The following ATP8B4 variants were observed in gnomAD, a reference collection of about 807,000 sequenced individuals.
ATP8B4 encodes the protein ATPase phospholipid transporting 8B4 (putative), also known as probable phospholipid-transporting ATPase IM.
Under a neutral mutation model 145.6 loss-of-function variants are expected in ATP8B4, and 133 were observed. The observed-to-expected ratio is 0.91, with a 90% CI of 0.79 to 1.05. The LOEUF is 1.05. ATP8B4 is among the 50% of genes least tolerant of loss of function. The probability of loss-of-function intolerance (pLI) is 0.00; values close to 1 mark genes in which losing one functional copy is unlikely to be tolerated. For missense variants in ATP8B4, 1,458 were observed against 1,425.2 expected, an observed-to-expected ratio of 1.02 and a Z score of -0.37; for synonymous variants, 507 against 492.9, an observed-to-expected ratio of 1.03 and a Z score of -0.38.
intron 2 of ATP8B4, among the ~76,000 whole-genome samples, chr15:50,093,087 G>C (rs2055716836): frequency 1.3e-5 from 2 of 151,708 alleles, no homozygotes; most frequent in South Asian, 2.1e-4. Flanking sequence ...TATCAATATA[G>C]AATTCTCCAC....
chr15:49,954,714 A>G (rs1599401425), intron 14 of ATP8B4, among the ~76,000 whole-genome samples: 1 of 152,182 alleles, frequency 6.6e-6, no homozygotes, highest in African/African-American at 2.4e-5. Context: ...GGATACTTAC[A>G]CGCTCTTGGT....
intron 1 of ATP8B4, among the ~76,000 whole-genome samples, chr15:50,157,178 A>G (rs2044432107): frequency 6.6e-6 from 1 of 152,240 alleles, no homozygotes; most frequent in Admixed American, 6.5e-5. Context: ...AACCAAAGGG[A>G]TAAAGAATTT....
At chr15:50,140,049 A>T (rs1468850524) in intron 1 of ATP8B4, among the ~76,000 whole-genome samples, 1 of 152,182 alleles carries the variant, frequency 6.6e-6, no homozygotes, top group Non-Finnish European at 1.5e-5. Context: ...AGTGATTAAA[A>T]AACTACATAT....
intron 20 of ATP8B4, among the ~76,000 whole-genome samples, chr15:49,914,446 A>G (rs1163478074): frequency 6.6e-6 from 1 of 152,150 alleles, no homozygotes; most frequent in Admixed American, 6.5e-5. Context: ...TAAGACCTCA[A>G]AAGCACAGGC....
chr15:49,992,143 T>C lies in ATP8B4; in HGVS notation c.589+4534A>G, dbSNP rs527284141. Among the ~76,000 whole-genome samples, 17 of 152,268 alleles carry C rather than the reference T, an allele frequency of 1.1e-4. No homozygotes were observed. The East Asian group carries it at 1.5e-3, about 14-fold the overall frequency. Reference sequence around the variant, plus strand: ...TATCCATAAATTGAGCTAACAATAATCTCTTCCTTCAAGAGCTGTAAGGGT... The same window carrying C: ...TATCCATAAATTGAGCTAACAATAACCTCTTCCTTCAAGAGCTGTAAGGGT... On this transcript the variant is annotated intron_variant, in intron 9 of 27. Coordinates refer to ENST00000284509, the MANE Select transcript of ATP8B4 (RefSeq NM_024837.4).
At chr15:50,047,251 C>T (rs925804618) in intron 4 of ATP8B4, 100 bp downstream of exon 4, 1 of 709,554 alleles carries the variant, frequency 1.4e-6, no homozygotes, top group Non-Finnish European at 2.4e-6. Context: ...GATGATTGTA[C>T]CTAATCACGA....
chr15:50,147,991 A>G (rs2044300862), intron 1 of ATP8B4, among the ~76,000 whole-genome samples: 2 of 152,218 alleles, frequency 1.3e-5, no homozygotes, highest in Non-Finnish European at 2.9e-5. Context: ...GAAGAACTAT[A>G]TCTTTCCAAT....
chr15:50,135,000 A>G (rs1395483523), intron 1 of ATP8B4, among the ~76,000 whole-genome samples: 3 of 152,190 alleles, frequency 2.0e-5, no homozygotes, highest in Non-Finnish European at 4.4e-5. Context: ...CAGCAGTAAA[A>G]CAAAACCTGA....
At chr15:49,984,253 A>G (rs1422323361) in intron 10 of ATP8B4, among the ~76,000 whole-genome samples, 19 of 152,224 alleles carry the variant, frequency 1.2e-4, no homozygotes. Context: ...AAGTAATTCT[A>G]AAGTTCTTGG....
At chr15:50,089,164 C>T (rs2055422861) in intron 2 of ATP8B4, among the ~76,000 whole-genome samples, 1 of 152,120 alleles carries the variant, frequency 6.6e-6, no homozygotes, top group Admixed American at 6.6e-5. Context: ...AAACCCAAAA[C>T]TATAAAAACC....
chr15:49,863,674 T>G (rs2032263162), intron 26 of ATP8B4, among the ~76,000 whole-genome samples: 1 of 152,172 alleles, frequency 6.6e-6, no homozygotes, highest in Non-Finnish European at 1.5e-5. Context: ...TCCAGTTGCC[T>G]TCAGCCATGG....
chr15:49,977,649 G>A (rs536038521), intron 12 of ATP8B4, among the ~76,000 whole-genome samples: 20 of 152,122 alleles, frequency 1.3e-4, no homozygotes, highest in African/African-American at 4.8e-4. Flanking sequence ...GCTAAAAAAA[G>A]AGAAAAGTAT....
chr15:50,006,604 C>T (rs190109752), intron 7 of ATP8B4, among the ~76,000 whole-genome samples: 3 of 152,008 alleles, frequency 2.0e-5, no homozygotes, highest in South Asian at 2.1e-4. Context: ...ACCCCAGTCA[C>T]GCCTGGAGTT....
rs1430457856 is a variant in ATP8B4, at chr15:49,986,759, C to T, written c.748+632G>A. ...ATTTGAGTGGCTTTATGAAATGATG[C>T]TACTGTAAGCTTTCTTAGCAAGAGA... On this transcript the variant is annotated intron_variant, in intron 10 of 27. Coordinates refer to ENST00000284509, the MANE Select transcript of ATP8B4 (RefSeq NM_024837.4). Among the ~76,000 whole-genome samples the T allele has an allele frequency of 3.3e-5, 5 of 152,194 alleles. No homozygotes were observed. In the South Asian group the frequency reaches 1.0e-3, roughly 31 times the overall value.
chr15:50,085,213 C>T (rs1244122980), intron 2 of ATP8B4, among the ~76,000 whole-genome samples: 1 of 152,210 alleles, frequency 6.6e-6, no homozygotes, highest in African/African-American at 2.4e-5. Context: ...GCTCACCTCA[C>T]TTGCACAGTT....
At chr15:49,998,196 T>C (rs549072514) in intron 8 of ATP8B4, among the ~76,000 whole-genome samples, 18 of 152,302 alleles carry the variant, frequency 1.2e-4, no homozygotes, top group African/African-American at 4.3e-4. Flanking sequence ...AGAGGAAGAA[T>C]AATCACACAC....
At chr15:49,872,198 C>T (rs1026299243) in intron 25 of ATP8B4, among the ~76,000 whole-genome samples, 1 of 152,160 alleles carries the variant, frequency 6.6e-6, no homozygotes, top group African/African-American at 2.4e-5. Context: ...TAAAGAACAT[C>T]GACTTGGGAA....
intron 22 of ATP8B4, 54 bp downstream of exon 22, chr15:49,898,013 TG>T: frequency 6.3e-7 from 1 of 1,582,188 alleles, no homozygotes; most frequent in Non-Finnish European, 8.7e-7. Context: ...TGCCAAATGC[TG>T]AAACTGAGGA....
In ATP8B4 at chr15:50,038,258, A is replaced by C. The variant is rs151133938; in HGVS notation, c.362+510T>G. ...TCTGATTCTAGCACTGTTCCCACAA[A>C]TACTTTTTCTTCATTGATGGATGAA... On this transcript the variant is annotated intron_variant, in intron 6 of 27. Coordinates refer to ENST00000284509, the MANE Select transcript of ATP8B4 (RefSeq NM_024837.4). Among the ~76,000 whole-genome samples the C allele has an allele frequency of 2.7e-3, 416 of 152,362 alleles. 1 individual carries two copies. The highest frequency in any genetic ancestry group is 9.5e-3 in the African/African-American group (395 of 41,588).
Sources: gnomAD v4.1 joint callset for allele counts (sites outside exome capture counted in the v4.1 genomes callset) on GRCh38, gnomAD v4.1.1 for gene constraint, MANE v1.5 for transcripts, NCBI Gene and HGNC (gene_info 2026-07-23, HGNC 2026-07-21) for gene names.